Variants in MAPKAP1 observed in about 807,000 individuals in gnomAD.
The protein encoded by MAPKAP1 is MAPK associated protein 1, also known as target of rapamycin complex 2 subunit MAPKAP1.
Under a neutral mutation model 65.7 loss-of-function variants are expected in MAPKAP1, and 20 were observed. The ratio of observed to expected loss-of-function variants is 0.30; its 90% CI spans 0.21 to 0.44. The LOEUF (loss-of-function observed/expected upper bound fraction) is 0.44, where lower values mean the gene tolerates loss of function less well. MAPKAP1 is among the 20% of genes least tolerant of loss of function. MAPKAP1 has a pLI of 1.00. For synonymous variants in MAPKAP1, 222 were observed against 244.3 expected (o/e 0.91, Z 0.85); for missense variants, 423 against 648.0 (o/e 0.65, Z 3.77).
At chr9:125,578,122 A>G (rs370086046) in intron 5 of MAPKAP1, among the ~76,000 whole-genome samples, 17 of 152,248 alleles carry the variant, frequency 1.1e-4, no homozygotes, top group East Asian at 9.7e-4. Flanking sequence ...CTGTTGATCT[A>G]TGACCTTACC....
At chr9:125,556,549 G>T (rs924571410) in intron 6 of MAPKAP1, among the ~76,000 whole-genome samples, 5 of 152,144 alleles carry the variant, frequency 3.3e-5, no homozygotes, top group African/African-American at 1.2e-4. Context: ...TGCATAGTTG[G>T]CCCTTAGTAA....
At chr9:125,539,872 G>C (rs1282331941) in intron 7 of MAPKAP1, among the ~76,000 whole-genome samples, 1 of 152,228 alleles carries the variant, frequency 6.6e-6, no homozygotes, top group East Asian at 1.9e-4. Context: ...ATGAAAGGCT[G>C]AAGAGAAACT....
At chr9:125,662,287 A>G (rs1172418911) in intron 3 of MAPKAP1, among the ~76,000 whole-genome samples, 2 of 151,724 alleles carry the variant, frequency 1.3e-5, no homozygotes, top group Non-Finnish European at 2.9e-5. Flanking sequence ...GAGGCTGAGG[A>G]GGAAGAATCA....
chr9:125,495,102 T>G (rs1385312933), intron 8 of MAPKAP1, among the ~76,000 whole-genome samples: 1 of 152,226 alleles, frequency 6.6e-6, no homozygotes, highest in African/African-American at 2.4e-5. Context: ...CAATATGTCT[T>G]TGTCCATGTT....
At chr9:125,618,298 C>T (rs1244654835) in intron 4 of MAPKAP1, among the ~76,000 whole-genome samples, 1 of 125,142 alleles carries the variant, frequency 8.0e-6, no homozygotes, top group African/African-American at 3.0e-5. Context: ...GCTGAGATTG[C>T]GCCACTGCAC....
Position 125,506,406 on chromosome 9 carries a change from G to A in MAPKAP1, c.970C>T (p.Arg324Cys), listed in dbSNP as rs1024756244. 8.1e-6 allele frequency: 13 copies of A among 1,613,760 alleles called. No homozygotes were observed. Among genetic ancestry groups the A allele is most frequent in the African/African-American group, 4.0e-5 (3 of 74,884 alleles). Residue 324 changes from arginine (R) to cysteine (C), a missense_variant, in exon 8 of 12, where the codon CGC (arginine) becomes TGC (cysteine). By Grantham distance (180) the Arg-to-Cys change is radical. Around this residue, in one of 6 missense-constraint regions of MAPKAP1, gnomAD observed 185 missense variants for 268.1 expected, o/e 0.69. Coordinates refer to ENST00000265960, the MANE Select transcript of MAPKAP1 (RefSeq NM_001006617.3). ...GSQKVSGPQYRLEKQSEPNVA... is the reference protein window; with the variant it reads ...GSQKVSGPQYCLEKQSEPNVA... ...TTGGGCTCGCTCTGCTTCTCCAGGC[G>A]GTACTGAGGGCCTGGAAGATCAAAG...
chr9:125,657,934 C>T, intron 3 of MAPKAP1, 135 bp from the exon 4 acceptor site: 1 of 782,130 alleles, frequency 1.3e-6, no homozygotes, highest in Non-Finnish European at 2.1e-6. Context: ...ATGCAGAAAG[C>T]CCCACAATAT....
In MAPKAP1 at chr9:125,439,103, T is replaced by G; in HGVS notation, c.1444-91A>C. On this transcript the variant is annotated intron_variant, in intron 11 of 11. Transcript: ENST00000265960. The surrounding 1 kb of genome is among the most constrained non-coding windows in gnomAD (Gnocchi z 4.0). ...GGGGGTGGCAGGGAAGGCCCTGACCTGGGCCGGGTGCCTCAGGGCCAGGTG... is the reference window on the plus strand; with the variant it reads ...GGGGGTGGCAGGGAAGGCCCTGACCGGGGCCGGGTGCCTCAGGGCCAGGTG... 1 of 1,487,652 alleles carries G rather than the reference T, an allele frequency of 6.7e-7. No individual in the cohort carries two copies. The allele number at this position is 1,487,652 out of a possible 1,614,324, so 92.2% of individuals were successfully genotyped here. A position where few individuals can be genotyped will look rare whatever the true frequency, so the allele number is the denominator to read the frequency against.
chr9:125,642,931 G>A (rs1833620224), intron 4 of MAPKAP1, among the ~76,000 whole-genome samples: 8 of 151,230 alleles, frequency 5.3e-5, no homozygotes, highest in Admixed American at 3.9e-4. Flanking sequence ...ATGGAGTCTC[G>A]ATCTGTCACC....
rs1232789461 is a variant in MAPKAP1 at position 125,672,580 on chromosome 9, C to T, written c.-6G>A. On this transcript the variant is annotated 5_prime_UTR_variant, in exon 2 of 12. Coordinates refer to ENST00000265960, the MANE Select transcript of MAPKAP1 (RefSeq NM_001006617.3). The stretch of plus-strand genomic sequence containing the variant: ...GGATTGTCCAAGAAGGCCATCCTTT[C>T]TGTGGGCCAATTTCCTTAAAAGGCT... 6.2e-7 allele frequency: 1 copy of T among 1,612,794 alleles called. No homozygotes were observed. The highest frequency in any genetic ancestry group is 2.2e-5 in the East Asian group (1 of 44,860).
rs772786571 is a variant in MAPKAP1, at chr9:125,484,549, C to T, written c.1101G>A (p.Ser367=). The change falls in exon 9 of 12, where the codon TCG becomes TCA. Residue 367 remains serine (S), a synonymous_variant. Transcript: ENST00000265960. ...CCTGTACTGTGGCTATGTCAATTTG[C>T]GAATCCTCCTCAAAAACCCCGTCTG... is the stretch of plus-strand genomic sequence containing the variant. The part of the protein sequence containing the change: ...SRADGVFEED[S]QIDIATVQDM... 12 of 1,610,884 alleles carry T rather than the reference C, an allele frequency of 7.4e-6. No individual in the cohort carries two copies. The highest frequency in any genetic ancestry group is 4.5e-5 in the East Asian group (2 of 44,732).
At chr9:125,520,098 A>G (rs144086298) in intron 7 of MAPKAP1, among the ~76,000 whole-genome samples, 117 of 152,316 alleles carry the variant, frequency 7.7e-4, no homozygotes, top group African/African-American at 2.6e-3. Flanking sequence ...ATGTTATGTA[A>G]TCCTGGGTAA....
At chr9:125,488,740 T>C (rs1854588219) in intron 8 of MAPKAP1, among the ~76,000 whole-genome samples, 1 of 152,204 alleles carries the variant, frequency 6.6e-6, no homozygotes, top group Non-Finnish European at 1.5e-5. Flanking sequence ...TCTCTGCCCA[T>C]GCTAGCAGTA....
chr9:125,673,102 G>A (rs1834541239), intron 1 of MAPKAP1, among the ~76,000 whole-genome samples: 1 of 152,176 alleles, frequency 6.6e-6, no homozygotes, highest in Non-Finnish European at 1.5e-5. Context: ...ATTGTGAAGT[G>A]TTTAAAAGGG....
chr9:125,537,046 T>A (rs909122569), intron 7 of MAPKAP1, among the ~76,000 whole-genome samples: 1 of 152,230 alleles, frequency 6.6e-6, no homozygotes, highest in Non-Finnish European at 1.5e-5. Context: ...TCAATGAACA[T>A]TTCTGTTTAC....
At chr9:125,642,903 C>T (rs1833619371) in intron 4 of MAPKAP1, among the ~76,000 whole-genome samples, 1 of 151,884 alleles carries the variant, frequency 6.6e-6, no homozygotes. Flanking sequence ...AATATATATG[C>T]CTTTTTTTTT....
At chr9:125,685,520 T>G (rs1429868701) in intron 1 of MAPKAP1, among the ~76,000 whole-genome samples, 2 of 152,200 alleles carry the variant, frequency 1.3e-5, no homozygotes, top group Non-Finnish European at 2.9e-5. Flanking sequence ...TAGCTTTTAC[T>G]CCAAGTGAAA....
intron 7 of MAPKAP1, among the ~76,000 whole-genome samples, chr9:125,539,851 A>C (rs1207104558): frequency 6.6e-6 from 1 of 152,234 alleles, no homozygotes; most frequent in Non-Finnish European, 1.5e-5. Flanking sequence ...CAAGTAGGTC[A>C]GTAAAAAAAA....
In MAPKAP1 at chr9:125,697,755, A is replaced by G. The variant is rs962029430; in HGVS notation, c.-70+9216T>C. Among the ~76,000 whole-genome samples, 16 of 152,322 alleles carry G rather than the reference A, an allele frequency of 1.1e-4. No individual in the cohort carries two copies. The East Asian group carries it at 2.9e-3, about 28-fold the overall frequency. ...TAACTTTTTTTAAAAGCTTGTTAAT[A>G]AATACTGCCAAAGTGCTTTCCAGAA... On this transcript the variant is annotated intron_variant, in intron 1 of 11. Transcript: ENST00000265960.
Sources: allele counts gnomAD v4.1 joint callset (sites outside exome capture counted in the v4.1 genomes callset), GRCh38; gene constraint gnomAD v4.1.1; regional missense constraint gnomAD v4.1.1; non-coding constraint Gnocchi (gnomAD v3.1); transcripts MANE v1.5; gene names NCBI Gene and HGNC (gene_info 2026-07-23, HGNC 2026-07-21).